Variants in PTPRO observed in about 807,000 individuals in gnomAD.
The protein encoded by PTPRO is receptor-type tyrosine-protein phosphatase O.
In PTPRO, 62 loss-of-function variants were observed where a neutral mutation model predicts 145.2. That is an observed-to-expected ratio of 0.43 (90% CI 0.35 to 0.53). PTPRO has a LOEUF of 0.53. Ranked by LOEUF, PTPRO falls within the 20% of genes least tolerant of loss-of-function variation. PTPRO has a pLI of 0.01. For missense variants in PTPRO, 1,345 were observed against 1,482.7 expected (o/e 0.91, Z 1.53); for synonymous variants, 565 against 514.7 (o/e 1.10, Z -1.32).
intron 17 of PTPRO, chr12:15,565,235 C>T (rs1943867331): frequency 1.2e-5 from 2 of 169,818 alleles, no homozygotes; most frequent in Non-Finnish European, 2.5e-5. Flanking sequence ...ATTCTTCCTT[C>T]CTGCCTGTAG....
intron 1 of PTPRO, among the ~76,000 whole-genome samples, chr12:15,427,231 T>A (rs1052240193): frequency 6.6e-6 from 1 of 152,060 alleles, no homozygotes; most frequent in African/African-American, 2.4e-5. Context: ...CTTCATCTAT[T>A]CCCTATGTCT....
At chr12:15,357,084 C>T (rs146670131) in intron 1 of PTPRO, among the ~76,000 whole-genome samples, 2 of 152,326 alleles carry the variant, frequency 1.3e-5, no homozygotes, top group Non-Finnish European at 2.9e-5. Flanking sequence ...AGGGTATAAA[C>T]AGGTCCTGCT....
intron 1 of PTPRO, among the ~76,000 whole-genome samples, chr12:15,380,753 C>T: frequency 6.6e-6 from 1 of 152,086 alleles, no homozygotes; most frequent in Non-Finnish European, 1.5e-5. Flanking sequence ...CAAATTTTTT[C>T]TTGCACTAAA....
rs143132245 is a variant in PTPRO, at chr12:15,458,462, C to T, written c.76-25512C>T. Among the ~76,000 whole-genome samples the T allele has an allele frequency of 5.9e-3, 897 of 151,970 alleles. 4 individuals are homozygous for T. The highest frequency in any genetic ancestry group is 8.5e-3 in the Non-Finnish European group (580 of 67,992). ...TTCTGTCTCTCTTCTTGTGAAATTC[C>T]CATAATGCATATATAGGCCACTTGA... On this transcript the variant is annotated intron_variant, in intron 1 of 26. Transcript: ENST00000281171.
chr12:15,527,719 G>T (rs569682941), intron 12 of PTPRO, among the ~76,000 whole-genome samples: 1 of 152,310 alleles, frequency 6.6e-6, no homozygotes, highest in African/African-American at 2.4e-5. Context: ...TGAAATGTAG[G>T]CAGTGATCTA....
intron 1 of PTPRO, among the ~76,000 whole-genome samples, chr12:15,474,431 T>C (rs997713615): frequency 3.9e-5 from 6 of 152,112 alleles, no homozygotes; most frequent in African/African-American, 1.4e-4. Context: ...TTTTGCTGCC[T>C]CGGTTAGCTG....
chr12:15,507,548 T>A (rs1472610095), intron 6 of PTPRO, among the ~76,000 whole-genome samples: 1 of 152,232 alleles, frequency 6.6e-6, no homozygotes, highest in African/African-American at 2.4e-5. Context: ...GCATCCGTGT[T>A]TTAAGCTCAA....
At chr12:15,329,561 T>C (rs1357244829) in intron 1 of PTPRO, among the ~76,000 whole-genome samples, 2 of 152,228 alleles carry the variant, frequency 1.3e-5, no homozygotes. Flanking sequence ...AATGGAAAGA[T>C]TGAGAAGCTC....
chr12:15,502,092 A>T lies in PTPRO; in HGVS notation c.1105+29A>T, dbSNP rs116571181. On this transcript the variant is annotated intron_variant, in intron 5 of 26. Coordinates refer to ENST00000281171, the MANE Select transcript of PTPRO (RefSeq NM_030667.3). Reference sequence around the variant, plus strand: ...AAGCAGTAGGAAATCAGAGGAAATAAGAACTGATACAAAGGAAGGGGAATT... The same window carrying T: ...AAGCAGTAGGAAATCAGAGGAAATATGAACTGATACAAAGGAAGGGGAATT... The T allele has an allele frequency of 1.5e-3, 2,370 of 1,562,222 alleles. 31 individuals are homozygous for T. In the African/African-American group the frequency reaches 0.029, roughly 19 times the overall value.
chr12:15,477,903 A>G (rs1941692898), intron 1 of PTPRO, among the ~76,000 whole-genome samples: 1 of 152,070 alleles, frequency 6.6e-6, no homozygotes, highest in Admixed American at 6.6e-5. Context: ...GTGACCCACC[A>G]CCACACTATA....
intron 1 of PTPRO, among the ~76,000 whole-genome samples, chr12:15,343,356 T>C (rs765924406): frequency 6.6e-6 from 1 of 152,108 alleles, no homozygotes; most frequent in Non-Finnish European, 1.5e-5. Flanking sequence ...TTACGTTAAA[T>C]GTCCTAAATA....
intron 23 of PTPRO, among the ~76,000 whole-genome samples, chr12:15,584,327 A>G (rs1944385992): frequency 6.6e-6 from 1 of 152,248 alleles, no homozygotes; most frequent in African/African-American, 2.4e-5. Context: ...TTGTTCTTAG[A>G]TATTTCAATT....
intron 17 of PTPRO, among the ~76,000 whole-genome samples, chr12:15,562,325 G>A (rs958264925): frequency 2.0e-5 from 3 of 152,032 alleles, no homozygotes; most frequent in Admixed American, 6.6e-5. Context: ...ATTGGCTAAA[G>A]AGTCATTTTT....
At chr12:15,440,533 A>G (rs935482739) in intron 1 of PTPRO, 1 of 165,636 alleles carries the variant, frequency 6.0e-6, no homozygotes, top group African/African-American at 2.4e-5. Context: ...AGGGTTGGAG[A>G]AAGATCTACC....
At chr12:15,349,513 A>C (rs191566537) in intron 1 of PTPRO, among the ~76,000 whole-genome samples, 4 of 152,346 alleles carry the variant, frequency 2.6e-5, no homozygotes, top group East Asian at 1.9e-4. Flanking sequence ...TCTGTTTTAT[A>C]ATAGCCCCCA....
chr12:15,537,077 T>C (rs1436689960), intron 12 of PTPRO, among the ~76,000 whole-genome samples: 2 of 152,118 alleles, frequency 1.3e-5, no homozygotes, highest in Admixed American at 6.6e-5. Context: ...AGACAGAGGT[T>C]TGATTTATTA....
chr12:15,355,754 G>T (rs944239923), intron 1 of PTPRO, among the ~76,000 whole-genome samples: 4 of 152,114 alleles, frequency 2.6e-5, no homozygotes, highest in African/African-American at 9.7e-5. Context: ...AATTGATAGG[G>T]TTAAACATCT....
chr12:15,387,969 A>C (rs1448592653), intron 1 of PTPRO, among the ~76,000 whole-genome samples: 1 of 152,122 alleles, frequency 6.6e-6, no homozygotes, highest in East Asian at 1.9e-4. Flanking sequence ...TATTCTTCTG[A>C]TCTCATGGTT....
chr12:15,391,484 G>A (rs1031565437), intron 1 of PTPRO, among the ~76,000 whole-genome samples: 1 of 152,064 alleles, frequency 6.6e-6, no homozygotes, highest in African/African-American at 2.4e-5. Flanking sequence ...AGCTGCATTT[G>A]TTATATTTGT....
Sources: gnomAD v4.1 joint callset for allele counts (sites outside exome capture counted in the v4.1 genomes callset) on GRCh38, gnomAD v4.1.1 for gene constraint, MANE v1.5 for transcripts, NCBI Gene and HGNC (gene_info 2026-07-23, HGNC 2026-07-21) for gene names.